The following CNBD1 variants were observed in gnomAD, a reference collection of about 807,000 sequenced individuals.
CNBD1 encodes the protein cyclic nucleotide-binding domain-containing protein 1.
In CNBD1, 71 loss-of-function variants were observed where a neutral mutation model predicts 54.4. The ratio of observed to expected loss-of-function variants is 1.30; its 90% CI spans 1.08 to 1.59. The LOEUF (loss-of-function observed/expected upper bound fraction) is 1.59. CNBD1 is among the 40% of genes most tolerant of loss of function. The pLI is 0.00. For missense variants in CNBD1, 659 were observed against 518.0 expected (o/e 1.27, Z -2.64); for synonymous variants, 182 against 170.7 (o/e 1.07, Z -0.51).
Position 86,870,488 on chromosome 8 carries a change from C to T in CNBD1, c.88+3905C>T, listed in dbSNP as rs189344588. The stretch of plus-strand genomic sequence containing the variant: ...CTGGGATTACAGATGTGAGCCACCG[C>T]GCCTGGCCAACACGATAGTACTCTT... On this transcript the variant is annotated intron_variant, in intron 1 of 10. Transcript: ENST00000518476. 3.3e-3 allele frequency among the ~76,000 whole-genome samples: 499 copies of T among 151,966 alleles called. 4 individuals are homozygous for T. The highest frequency in any genetic ancestry group is 0.011 in the African/African-American group (454 of 41,440).
intron 4 of CNBD1, among the ~76,000 whole-genome samples, chr8:86,948,968 T>G (rs1807538678): frequency 6.6e-6 from 1 of 152,190 alleles, no homozygotes; most frequent in Non-Finnish European, 1.5e-5. Flanking sequence ...GTTCTGCATG[T>G]GAATATCTAG....
Position 87,050,901 on chromosome 8 carries a change from G to A in CNBD1, c.431+111147G>A, listed in dbSNP as rs1027668878. On this transcript the variant is annotated intron_variant, in intron 4 of 10. Coordinates refer to ENST00000518476, the MANE Select transcript of CNBD1 (RefSeq NM_173538.3). ...TCCTTTTTCAGCTTCTGGCTGTAGG[G>A]GGTATTGTTTCTGCTTAGGAAAAGA... Among the ~76,000 whole-genome samples the A allele has an allele frequency of 4.6e-5, 7 of 152,222 alleles. No individual in the cohort carries two copies. In the South Asian group the frequency reaches 6.2e-4, roughly 14 times the overall value.
At chr8:86,933,643 T>G (rs1050359566) in intron 3 of CNBD1, among the ~76,000 whole-genome samples, 1 of 152,174 alleles carries the variant, frequency 6.6e-6, no homozygotes, top group Non-Finnish European at 1.5e-5. Context: ...ATGAGGGACA[T>G]GTCACCTAGA....
chr8:86,965,949 A>G (rs1160883950), intron 4 of CNBD1, among the ~76,000 whole-genome samples: 1 of 151,706 alleles, frequency 6.6e-6, no homozygotes, highest in Non-Finnish European at 1.5e-5. Context: ...CAGAGAGGGT[A>G]CCTCCTCTCT....
Position 86,982,914 on chromosome 8 carries a change from T to A in CNBD1, c.431+43160T>A, listed in dbSNP as rs541322182. Among the ~76,000 whole-genome samples the A allele has an allele frequency of 9.8e-5, 15 of 152,336 alleles. No individual in the cohort carries two copies. The East Asian group carries it at 2.9e-3, about 29-fold the overall frequency. On this transcript the variant is annotated intron_variant, in intron 4 of 10. Transcript: ENST00000518476. ...ACAAAGCTAATCCATTAGCATATTATCTTTCTCCACTTATTTAGATATTAT... is the reference window on the plus strand; with the variant it reads ...ACAAAGCTAATCCATTAGCATATTAACTTTCTCCACTTATTTAGATATTAT...
At chr8:87,393,892 T>G (rs1291229291) in intron 2 of CNBD1, among the ~76,000 whole-genome samples, 2 of 151,736 alleles carry the variant, frequency 1.3e-5, no homozygotes, top group Non-Finnish European at 2.9e-5. Context: ...AAGATCGAAT[T>G]ACACATTGGC....
intron 2 of CNBD1, among the ~76,000 whole-genome samples, chr8:87,414,452 A>G (rs1050248568): frequency 3.3e-5 from 5 of 152,152 alleles, no homozygotes; most frequent in East Asian, 1.9e-4. Context: ...CAGCACACCA[A>G]CATGGCACAT....
At chr8:86,910,843 G>A (rs1217606323) in intron 3 of CNBD1, among the ~76,000 whole-genome samples, 1 of 152,182 alleles carries the variant, frequency 6.6e-6, no homozygotes, top group East Asian at 1.9e-4. Context: ...GCAGAGAGAC[G>A]GGGTCCCAAG....
chr8:87,340,847 A>AT (rs1480154697), intron 8 of CNBD1, among the ~76,000 whole-genome samples: 1 of 151,538 alleles, frequency 6.6e-6, no homozygotes, highest in Non-Finnish European at 1.5e-5. Context: ...ATTATTTTGA[A>AT]TTTTTTGTTG....
intron 4 of CNBD1, among the ~76,000 whole-genome samples, chr8:87,020,168 A>C (rs1809452989): frequency 6.6e-6 from 1 of 152,154 alleles, no homozygotes; most frequent in Admixed American, 6.5e-5. Flanking sequence ...CAGCAGAAGA[A>C]AAGGCACGAT....
chr8:87,392,354 A>G (rs1745939252), intron 2 of CNBD1, among the ~76,000 whole-genome samples: 1 of 152,006 alleles, frequency 6.6e-6, no homozygotes, highest in South Asian at 2.1e-4. Flanking sequence ...CTTGTACATG[A>G]ATTAAAGTTT....
At chr8:86,897,251 G>T (rs1245167013) in intron 2 of CNBD1, among the ~76,000 whole-genome samples, 1 of 152,102 alleles carries the variant, frequency 6.6e-6, no homozygotes, top group Non-Finnish European at 1.5e-5. Context: ...CACCAAATCA[G>T]CCATGATGCA....
chr8:87,386,640 C>T (rs1402358304), downstream of CNBD1, among the ~76,000 whole-genome samples: 2 of 152,136 alleles, frequency 1.3e-5, no homozygotes, highest in Non-Finnish European at 2.9e-5. Flanking sequence ...ATTGCTGTAC[C>T]TGAAAGTGAT....
In CNBD1 at chr8:86,904,750, A is replaced by G. The variant is rs192513620; in HGVS notation, c.159-331A>G. On this transcript the variant is annotated intron_variant, in intron 2 of 10. Coordinates refer to ENST00000518476, the MANE Select transcript of CNBD1 (RefSeq NM_173538.3). ...TAGTAATGTAGATGTAAACTATTTT[A>G]AATAATTTCAGGGGGATTTTAATTC... Among the ~76,000 whole-genome samples, 1,414 of 152,210 alleles carry G rather than the reference A, an allele frequency of 9.3e-3. 8 individuals carry two copies. Among genetic ancestry groups the G allele is most frequent in the Non-Finnish European group, 0.016 (1,058 of 67,960 alleles).
At chr8:87,039,331 A>C (rs866914720) in intron 4 of CNBD1, among the ~76,000 whole-genome samples, 2 of 152,066 alleles carry the variant, frequency 1.3e-5, no homozygotes, top group Non-Finnish European at 2.9e-5. Context: ...TTGCCTTCCT[A>C]ATTTACTCAG....
At chr8:86,952,624 T>A (rs547810252) in intron 4 of CNBD1, among the ~76,000 whole-genome samples, 32 of 151,822 alleles carry the variant, frequency 2.1e-4, no homozygotes, top group Non-Finnish European at 3.7e-4. Context: ...ATTAAATGTA[T>A]AAGCATTTTT....
intron 6 of CNBD1, among the ~76,000 whole-genome samples, chr8:87,275,687 A>G (rs1198385405): frequency 1.3e-5 from 2 of 151,274 alleles, no homozygotes; most frequent in Non-Finnish European, 2.9e-5. Flanking sequence ...CTCTCTCACC[A>G]CTCCTATTCA....
In CNBD1 at chr8:87,137,089, T is replaced by TATATTTATATTCTATGCAAATTATATA. The variant is rs1463018731; in HGVS notation, c.432-68904_432-68903insATATTTATATTCTATGCAAATTATATA. ...TATATTCTATGTAAATTATATATAT[T>TATATTTATATTCTATGCAAATTATATA]TATATTATATGTAAATTATATATAT... is the stretch of plus-strand genomic sequence containing the variant. On this transcript the variant is annotated intron_variant, in intron 4 of 10. Coordinates refer to ENST00000518476, the MANE Select transcript of CNBD1 (RefSeq NM_173538.3). Among the ~76,000 whole-genome samples the TATATTTATATTCTATGCAAATTATATA allele has an allele frequency of 3.0e-5, 3 of 99,880 alleles. 1 individual carries two copies. Among genetic ancestry groups the TATATTTATATTCTATGCAAATTATATA allele is most frequent in the Non-Finnish European group, 5.8e-5 (3 of 52,112 alleles). The allele number at this position is 99,880 out of a possible 152,430, so 65.5% of individuals were successfully genotyped here.
intron 8 of CNBD1, among the ~76,000 whole-genome samples, chr8:87,297,163 C>CAAAAAAAA (rs555582073): frequency 1.1e-5 from 1 of 88,756 alleles, no homozygotes; most frequent in Non-Finnish European, 2.2e-5. Flanking sequence ...GGGTCCGTCT[C>CAAAAAAAA]AAAAAAAAAA....
Sources: allele counts gnomAD v4.1 joint callset (sites outside exome capture counted in the v4.1 genomes callset), GRCh38; gene constraint gnomAD v4.1.1; transcripts MANE v1.5; gene names NCBI Gene and HGNC (gene_info 2026-07-23, HGNC 2026-07-21).